The following CAV1 variants were observed in gnomAD, a reference collection of about 807,000 sequenced individuals.
CAV1 encodes the protein caveolin-1.
Under a neutral mutation model 16.5 loss-of-function variants are expected in CAV1, and 10 were observed. The ratio of observed to expected loss-of-function variants is 0.61; its 90% CI spans 0.37 to 1.03. The LOEUF (loss-of-function observed/expected upper bound fraction) is 1.03, where lower values mean the gene tolerates loss of function less well. Ranked by LOEUF, CAV1 falls within the 50% of genes least tolerant of loss-of-function variation. The pLI, the probability that CAV1 is intolerant of heterozygous loss-of-function variation, is 0.01. For missense variants in CAV1, 212 were observed against 232.8 expected, an observed-to-expected ratio of 0.91 and a Z score of 0.58; for synonymous variants, 76 against 85.1, an observed-to-expected ratio of 0.89 and a Z score of 0.59.
At chr7:116,529,057 T>C (rs1343996445) in intron 2 of CAV1, among the ~76,000 whole-genome samples, 2 of 152,270 alleles carry the variant, frequency 1.3e-5, no homozygotes, top group Admixed American at 6.5e-5. Flanking sequence ...CTTGAACTCC[T>C]GACCTCAAGT....
At chr7:116,555,504 GAAA>G (rs1794250921) in intron 2 of CAV1, among the ~76,000 whole-genome samples, 2 of 6,024 alleles carry the variant, frequency 3.3e-4, no homozygotes, top group Admixed American at 2.8e-3. Flanking sequence ...AAGAAAGAAA[GAAA>G]GAAAGAAAGA....
Position 116,525,100 on chromosome 7 carries a change from T to C in CAV1, c.30+8T>C, listed in dbSNP as rs766217180. 1.9e-6 allele frequency: 3 copies of C among 1,613,808 alleles called. No individual in the cohort carries two copies. The highest frequency in any genetic ancestry group is 1.7e-5 in the Admixed American group (1 of 60,008). On this transcript the variant is annotated splice_region_variant and intron_variant, in intron 1 of 2. Transcript: ENST00000341049. ...AAATACGTAGACTCGGAGGTAGGCA[T>C]CCGTGGGGGGGCGCCGGCTCGGGCG... is the stretch of plus-strand genomic sequence containing the variant.
rs1369885182 is a variant in CAV1, at chr7:116,555,516, GAA to G, written c.196-3428_196-3427del. Among the ~76,000 whole-genome samples, 38 of 8,888 alleles carry G rather than the reference GAA, an allele frequency of 4.3e-3. 7 individuals carry two copies. The highest frequency in any genetic ancestry group is 0.023 in the South Asian group (2 of 86). 5.8% of individuals were successfully genotyped at this position (8,888 alleles called of 152,430 possible). On this transcript the variant is annotated intron_variant, in intron 2 of 2. Coordinates refer to ENST00000341049, the MANE Select transcript of CAV1 (RefSeq NM_001753.5). ...AGAAAGAAAGAAAGAAAGAAAGAAA[GAA>G]AGAGAGAGAGAGAGAGAGAGAGAGA...
At position 116,559,069 on chromosome 7, in the gene CAV1, T is replaced by C. The variant is rs1259378517; in HGVS notation, c.319T>C (p.Phe107Leu). Reference sequence around the variant, plus strand: ...GTTTTACCGCTTGCTGTCTGCCCTCTTTGGCATCCCGATGGCACTCATCTG... The same window carrying C: ...GTTTTACCGCTTGCTGTCTGCCCTCCTTGGCATCCCGATGGCACTCATCTG... ...YWFYRLLSAL[F>L]GIPMALIWGI... The change falls in exon 3 of 3, where the codon TTT becomes CTT. Residue 107 changes from phenylalanine (F) to leucine (L), a missense_variant. Phe to Leu is a conservative substitution (Grantham distance 22, BLOSUM62 0). Transcript: ENST00000341049. 3.1e-6 allele frequency: 5 copies of C among 1,613,832 alleles called. No homozygotes were observed. The highest frequency in any genetic ancestry group is 3.4e-6 in the Non-Finnish European group (4 of 1,179,930).
Position 116,525,389 on chromosome 7 carries a change from G to A in CAV1, c.30+297G>A, listed in dbSNP as rs1049240653. ...TGTTGGGCCCAGGACGCGTTTTCTG[G>A]ATGGGTCTAGGATGCTCCCTTGTCG... On this transcript the variant is annotated intron_variant, in intron 1 of 2. Coordinates refer to ENST00000341049, the MANE Select transcript of CAV1 (RefSeq NM_001753.5). The A allele has an allele frequency of 1.3e-5, 20 of 1,514,410 alleles. No individual in the cohort carries two copies. The African/African-American group carries it at 2.1e-4, about 16-fold the overall frequency. 93.8% of individuals were successfully genotyped at this position (1,514,410 alleles called of 1,614,324 possible). A position where few individuals can be genotyped will look rare whatever the true frequency, so the allele number is the denominator to read the frequency against.
chr7:116,555,548 GAA>G lies in CAV1; in HGVS notation c.196-3396_196-3395del, dbSNP rs1255486609. Among the ~76,000 whole-genome samples, 78 of 30,468 alleles carry G rather than the reference GAA, an allele frequency of 2.6e-3. 4 individuals carry two copies. The highest frequency in any genetic ancestry group is 3.8e-3 in the African/African-American group (33 of 8,786). The allele number at this position is 30,468 out of a possible 152,430, so 20.0% of individuals were successfully genotyped here. A position where few individuals can be genotyped will look rare whatever the true frequency, so the allele number is the denominator to read the frequency against. ...AGAGAGAGAGAGAGAGAGAGAGAAAGAAAGAAAGAAAGAAAGAAAGAAAGAAA... is the reference window on the plus strand; with the variant it reads ...AGAGAGAGAGAGAGAGAGAGAGAAAGAGAAAGAAAGAAAGAAAGAAAGAAA... On this transcript the variant is annotated intron_variant, in intron 2 of 2. Coordinates refer to ENST00000341049, the MANE Select transcript of CAV1 (RefSeq NM_001753.5).
chr7:116,543,623 T>TTTTTG (rs1020131449), intron 2 of CAV1, among the ~76,000 whole-genome samples: 10 of 152,176 alleles, frequency 6.6e-5, no homozygotes, highest in African/African-American at 1.2e-4. Context: ...TTGTTTTGTT[T>TTTTTG]TTTTGTTTTG....
Position 116,559,131 on chromosome 7 carries a change from C to T in CAV1, c.381C>T (p.Ile127=), listed in dbSNP as rs1469991795. The change falls in exon 3 of 3, where the codon ATC becomes ATT. Residue 127 remains isoleucine (I), a synonymous_variant. Transcript: ENST00000341049. ...TCGCCATTCTCTCTTTCCTGCACAT[C>T]TGGGCAGTTGTACCATGCATTAAGA... The part of the protein sequence containing the change: ...IYFAILSFLH[I]WAVVPCIKSF... The T allele has an allele frequency of 1.2e-6, 2 of 1,613,868 alleles. No homozygotes were observed. Among genetic ancestry groups the T allele is most frequent in the East Asian group, 2.2e-5 (1 of 44,884 alleles).
At chr7:116,553,697 T>C (rs1794208042) in intron 2 of CAV1, among the ~76,000 whole-genome samples, 1 of 152,140 alleles carries the variant, frequency 6.6e-6, no homozygotes, top group Non-Finnish European at 1.5e-5. Context: ...GCACATAAAG[T>C]GCTGCTCCAA....
intron 2 of CAV1, among the ~76,000 whole-genome samples, chr7:116,549,291 C>A (rs1423098855): frequency 6.6e-6 from 1 of 152,084 alleles, no homozygotes; most frequent in South Asian, 2.1e-4. Flanking sequence ...ACTTTGGGGC[C>A]AGGTCTACAC....
At chr7:116,536,575 G>T (rs1484013624) in intron 2 of CAV1, among the ~76,000 whole-genome samples, 1 of 152,188 alleles carries the variant, frequency 6.6e-6, no homozygotes, top group Non-Finnish European at 1.5e-5. Flanking sequence ...CCTGTTCTGG[G>T]CACCAGCAGT....
At chr7:116,555,514 AAGAAAGAGAGAGAGAGAGAGAGAGAG>A (rs1163304109) in intron 2 of CAV1, among the ~76,000 whole-genome samples, 2 of 10,298 alleles carry the variant, frequency 1.9e-4, no homozygotes, top group African/African-American at 6.5e-4. Context: ...GAAAGAAAGA[AAGAAAGAGAGAGAGAGAGAGAGAGAG>A]AGAGAAAGAA....
Position 116,560,093 on chromosome 7 carries a change from A to G in CAV1, c.*806A>G, listed in dbSNP as rs1794376671. The G allele has an allele frequency of 2.8e-6, 1 of 355,280 alleles. No individual in the cohort carries two copies. The highest frequency in any genetic ancestry group is 5.0e-6 in the Non-Finnish European group (1 of 198,850). 22.0% of individuals were successfully genotyped at this position (355,280 alleles called of 1,614,324 possible). A position where few individuals can be genotyped will look rare whatever the true frequency, so the allele number is the denominator to read the frequency against. ...GACTCTGAGCTACAGAGTCTGGTGA[A>G]GCTCACTTCTGGGCTTCATCTGGCA... On this transcript the variant is annotated 3_prime_UTR_variant, in exon 3 of 3. Transcript: ENST00000341049.
At chr7:116,541,993 C>A (rs1017118370) in intron 2 of CAV1, among the ~76,000 whole-genome samples, 2 of 152,148 alleles carry the variant, frequency 1.3e-5, no homozygotes, top group African/African-American at 4.8e-5. Context: ...AACACTTTCC[C>A]CTATGCCAGC....
chr7:116,547,446 A>C (rs1584780240), intron 2 of CAV1, among the ~76,000 whole-genome samples: 1 of 152,238 alleles, frequency 6.6e-6, no homozygotes, highest in East Asian at 1.9e-4. Context: ...AATCCAAAGC[A>C]AAGAGAGTGG....
chr7:116,543,656 G>C (rs1174845358), intron 2 of CAV1, among the ~76,000 whole-genome samples: 1 of 152,058 alleles, frequency 6.6e-6, no homozygotes, highest in African/African-American at 2.4e-5. Flanking sequence ...TTTGCAACCA[G>C]CCAATTCATC....
At chr7:116,555,542 G>GAGAGAGAGAGAGAGAA (rs1478856618) in intron 2 of CAV1, among the ~76,000 whole-genome samples, 4 of 12,144 alleles carry the variant, frequency 3.3e-4, no homozygotes, top group African/African-American at 9.4e-4. Context: ...GAGAGAGAGA[G>GAGAGAGAGAGAGAGAA]AGAAAGAAAG....
chr7:116,551,327 G>A (rs1490299470), intron 2 of CAV1, among the ~76,000 whole-genome samples: 2 of 152,186 alleles, frequency 1.3e-5, no homozygotes, highest in African/African-American at 2.4e-5. Context: ...CTGGTCCTTG[G>A]TGCATACCTG....
chr7:116,526,238 C>G, intron 1 of CAV1: 2 of 1,088,292 alleles, frequency 1.8e-6, no homozygotes, highest in South Asian at 6.1e-5. Flanking sequence ...TCGGACCGCG[C>G]GGCGGGGCCT....
Sources: gnomAD v4.1 joint callset for allele counts (sites outside exome capture counted in the v4.1 genomes callset) on GRCh38, gnomAD v4.1.1 for gene constraint, MANE v1.5 for transcripts, NCBI Gene and HGNC (gene_info 2026-07-23, HGNC 2026-07-21) for gene names.